CDH13: variants seen among roughly 807,000 people sequenced by gnomAD.
CDH13 encodes cadherin 13, also known as cadherin-13.
In CDH13, 24 loss-of-function variants were observed where a neutral mutation model predicts 63.8. The observed-to-expected ratio is 0.38, with a 90% CI of 0.27 to 0.53. CDH13 has a LOEUF of 0.53. Ranked by LOEUF, CDH13 falls within the 20% of genes least tolerant of loss-of-function variation. CDH13 has a pLI of 0.85. For missense variants in CDH13, 1,049 were observed against 903.1 expected (o/e 1.16, Z -2.07); for synonymous variants, 503 against 355.3 (o/e 1.42, Z -4.67).
intron 7 of CDH13, among the ~76,000 whole-genome samples, chr16:83,583,094 C>A (rs1193440107): frequency 6.6e-6 from 1 of 152,148 alleles, no homozygotes; most frequent in African/African-American, 2.4e-5. Flanking sequence ...CATCTAGAGG[C>A]CCCAGTTCCT....
chr16:83,054,303 G>C (rs1193021241), intron 3 of CDH13, among the ~76,000 whole-genome samples: 2 of 152,168 alleles, frequency 1.3e-5, no homozygotes, highest in South Asian at 2.1e-4. Flanking sequence ...GACACAATCA[G>C]AGATTAAAAA....
chr16:83,404,964 A>G (rs2151447690), intron 6 of CDH13, among the ~76,000 whole-genome samples: 1 of 152,346 alleles, frequency 6.6e-6, no homozygotes, highest in East Asian at 1.9e-4. Context: ...TGTCTAAAGC[A>G]GTGAACAAAG....
At chr16:83,009,704 A>G (rs1913922333) in intron 2 of CDH13, among the ~76,000 whole-genome samples, 1 of 152,236 alleles carries the variant, frequency 6.6e-6, no homozygotes. Context: ...TGTATATTTA[A>G]TAAACCCACT....
chr16:82,986,760 C>G (rs1157635543), intron 2 of CDH13, among the ~76,000 whole-genome samples: 2 of 152,210 alleles, frequency 1.3e-5, no homozygotes, highest in Non-Finnish European at 2.9e-5. Flanking sequence ...AACTGTAAGA[C>G]CATGGCAAGG....
At chr16:83,106,591 G>A (rs2034777928) in intron 3 of CDH13, among the ~76,000 whole-genome samples, 1 of 152,096 alleles carries the variant, frequency 6.6e-6, no homozygotes, top group Non-Finnish European at 1.5e-5. Context: ...CATATCAAGG[G>A]AATGATTTAA....
rs140173794 is a variant in CDH13 at position 82,662,824 on chromosome 16, A to C, written c.45+35687A>C. On this transcript the variant is annotated intron_variant, in intron 1 of 13. Coordinates refer to ENST00000567109, the MANE Select transcript of CDH13 (RefSeq NM_001257.5). ...TTCTCTGCCATTTAGAAGATCAATG[A>C]GAAGATGTCCTCCAGGCCAGTGTGA... 5.3e-3 allele frequency among the ~76,000 whole-genome samples: 813 copies of C among 152,306 alleles called. 9 individuals are homozygous for C. The highest frequency in any genetic ancestry group is 0.019 in the African/African-American group (782 of 41,564).
At chr16:82,642,636 T>C (rs1417571971) in intron 1 of CDH13, among the ~76,000 whole-genome samples, 4 of 152,176 alleles carry the variant, frequency 2.6e-5, no homozygotes, top group Admixed American at 1.3e-4. Context: ...GTTTTCTCTG[T>C]TGTGTTCTGT....
intron 4 of CDH13, among the ~76,000 whole-genome samples, chr16:83,177,919 G>T (rs4238732): frequency 0.82 from 124,752 of 152,126 alleles, 51,180 homozygotes; most frequent in East Asian, 0.86. Context: ...TCTTGTTCAC[G>T]GATGTATTCC....
chr16:83,564,410 T>G (rs1484749517), intron 7 of CDH13, among the ~76,000 whole-genome samples: 10 of 10,698 alleles, frequency 9.3e-4, no homozygotes, highest in Admixed American at 2.7e-3. Context: ...TTTTTTTTTT[T>G]TTTTTGTTTT....
chr16:83,387,500 A>G (rs1006018411), intron 6 of CDH13, among the ~76,000 whole-genome samples: 2 of 152,228 alleles, frequency 1.3e-5, no homozygotes, highest in African/African-American at 4.8e-5. Flanking sequence ...GAGGATTGTC[A>G]TCCTGGACAG....
At chr16:82,695,211 G>A (rs940938387) in intron 1 of CDH13, among the ~76,000 whole-genome samples, 1 of 152,132 alleles carries the variant, frequency 6.6e-6, no homozygotes, top group African/African-American at 2.4e-5. Flanking sequence ...CAATGAGGAG[G>A]CTGTGAAGCA....
At chr16:83,423,361 GCCAC>G (rs2081402574) in intron 6 of CDH13, among the ~76,000 whole-genome samples, 1 of 152,098 alleles carries the variant, frequency 6.6e-6, no homozygotes, top group Non-Finnish European at 1.5e-5. Context: ...AAAGCCTAAA[GCCAC>G]TCACTCGTTG....
chr16:83,592,709 C>G (rs1906876752), intron 7 of CDH13, among the ~76,000 whole-genome samples: 2 of 152,204 alleles, frequency 1.3e-5, no homozygotes, highest in Non-Finnish European at 2.9e-5. Flanking sequence ...TTTGTCGCAG[C>G]CAGTAAATCT....
intron 8 of CDH13, among the ~76,000 whole-genome samples, chr16:83,653,080 A>G (rs1701351744): frequency 6.6e-6 from 1 of 152,162 alleles, no homozygotes; most frequent in South Asian, 2.1e-4. Context: ...TTCCATTTCT[A>G]TGAAATGTCC....
At chr16:82,710,899 GTTTGA>G (rs2031888807) in intron 1 of CDH13, among the ~76,000 whole-genome samples, 1 of 150,056 alleles carries the variant, frequency 6.7e-6, no homozygotes, top group South Asian at 2.1e-4. Context: ...TGAAAGAACA[GTTTGA>G]TTTGGCATAT....
chr16:83,072,031 A>G (rs2032476450), intron 3 of CDH13, among the ~76,000 whole-genome samples: 1 of 152,110 alleles, frequency 6.6e-6, no homozygotes, highest in Non-Finnish European at 1.5e-5. Flanking sequence ...AAAAATAAAT[A>G]TATAAAATTA....
intron 2 of CDH13, among the ~76,000 whole-genome samples, chr16:82,894,352 C>A (rs1314497662): frequency 1.3e-5 from 2 of 152,142 alleles, no homozygotes; most frequent in Non-Finnish European, 2.9e-5. Flanking sequence ...AGTGCCTTAA[C>A]AATAATAGGG....
chr16:82,936,751 G>A (rs1032965830), intron 2 of CDH13, among the ~76,000 whole-genome samples: 1 of 152,170 alleles, frequency 6.6e-6, no homozygotes, highest in African/African-American at 2.4e-5. Flanking sequence ...GTGAGAATAG[G>A]TAGAATCAAC....
intron 8 of CDH13, among the ~76,000 whole-genome samples, chr16:83,615,589 T>C (rs1191098439): frequency 2.0e-5 from 3 of 152,182 alleles, no homozygotes; most frequent in East Asian, 1.9e-4. Flanking sequence ...AACCCAACTA[T>C]ATGCTACTGG....
Sources: allele counts gnomAD v4.1 joint callset (sites outside exome capture counted in the v4.1 genomes callset), GRCh38; gene constraint gnomAD v4.1.1; transcripts MANE v1.5; gene names NCBI Gene and HGNC (gene_info 2026-07-23, HGNC 2026-07-21).